Variants in TRMT44 observed in about 807,000 individuals in gnomAD.
TRMT44 encodes probable tRNA (uracil-O(2)-)-methyltransferase.
A neutral mutation model predicts 77.3 loss-of-function variants in TRMT44; 78 were observed. The observed-to-expected ratio is 1.01, with a 90% CI of 0.84 to 1.22. TRMT44 has a LOEUF of 1.22. TRMT44 is among the 50% of genes most tolerant of loss of function. TRMT44 has a pLI of 0.00. For synonymous variants in TRMT44, 391 were observed against 383.3 expected, an observed-to-expected ratio of 1.02 and a Z score of -0.23; for missense variants, 1,090 against 964.4, an observed-to-expected ratio of 1.13 and a Z score of -1.73.
At chr4:8,489,249 C>T (rs1191733616) in intron 2 of TRMT44, among the ~76,000 whole-genome samples, 1 of 152,216 alleles carries the variant, frequency 6.6e-6, no homozygotes, top group South Asian at 2.1e-4. Flanking sequence ...CCAGGCAAGG[C>T]TGGTGTCCTG....
Position 8,441,320 on chromosome 4 carries a change from C to T in TRMT44, c.498C>T (p.Ser166=), listed in dbSNP as rs1724674148. The T allele has an allele frequency of 7.2e-6, 11 of 1,535,544 alleles. No homozygotes were observed. Among genetic ancestry groups the T allele is most frequent in the South Asian group, 1.2e-5 (1 of 83,782 alleles). The change falls in exon 1 of 11, where the codon AGC becomes AGT. Residue 166 remains serine (S), a synonymous_variant. Transcript: ENST00000389737. ...CGGAGTTGCTGGCCTTCCTCACCAG[C>T]TCCGGGGCGGGATCGCAGCCAGAGG... The part of the protein sequence containing the change: ...GNSELLAFLT[S]SGAGSQPEAQ...
chr4:8,467,003 A>C (rs1455235886), intron 8 of TRMT44, among the ~76,000 whole-genome samples: 1 of 152,148 alleles, frequency 6.6e-6, no homozygotes, highest in African/African-American at 2.4e-5. Context: ...TGATGCCTGG[A>C]GAGGAAGCCC....
chr4:8,489,515 C>T (rs1378535057), intron 2 of TRMT44, among the ~76,000 whole-genome samples: 2 of 152,052 alleles, frequency 1.3e-5, no homozygotes, highest in East Asian at 1.9e-4. Context: ...TTCACTCTGT[C>T]ACCCAGGCTG....
the TRMT44 span, among the ~76,000 whole-genome samples, chr4:8,504,921 T>G: frequency 6.6e-6 from 1 of 152,002 alleles, no homozygotes; most frequent in Non-Finnish European, 1.5e-5. This position sits in a 1 kb window ranked among gnomAD's most constrained non-coding sequence, Gnocchi z 5.3. Context: ...ATCTACCACT[T>G]CCCCCAGCCT....
intron 9 of TRMT44, among the ~76,000 whole-genome samples, chr4:8,469,794 G>C (rs1726859813): frequency 1.3e-5 from 2 of 152,270 alleles, no homozygotes; most frequent in Admixed American, 1.3e-4. Flanking sequence ...CCCGCCCACA[G>C]GCGGCCTTCA....
At chr4:8,492,684 G>C (rs1728044013) in intron 2 of TRMT44, among the ~76,000 whole-genome samples, 1 of 152,324 alleles carries the variant, frequency 6.6e-6, no homozygotes, top group Admixed American at 6.5e-5. Context: ...GAAATTCCTT[G>C]TGGACAAATG....
At position 8,452,894 on chromosome 4, in the gene TRMT44, G is replaced by A; in HGVS notation, c.1036G>A (p.Glu346Lys). 5 of 1,528,648 alleles carry A rather than the reference G, an allele frequency of 3.3e-6. No homozygotes were observed. The highest frequency in any genetic ancestry group is 4.4e-6 in the Non-Finnish European group (5 of 1,142,852). The allele number at this position is 1,528,648 out of a possible 1,614,324, so 94.7% of individuals were successfully genotyped here. A position where few individuals can be genotyped will look rare whatever the true frequency, so the allele number is the denominator to read the frequency against. Residue 346 changes from glutamate to lysine, a missense_variant, in exon 5 of 11, where the codon GAA (glutamate) becomes AAA (lysine). By Grantham distance (56) the Glu-to-Lys change is moderately conservative. Coordinates refer to ENST00000389737, the MANE Select transcript of TRMT44 (RefSeq NM_152544.3). The surrounding 1 kb of genome is among the most constrained non-coding windows in gnomAD (Gnocchi z 5.7). ...IAAYLLILWE[E>K]ERAERRLTAR... is the part of the protein sequence containing the mutation. The stretch of plus-strand genomic sequence containing the variant: ...TCTCTTCACTTAGATTCTATGGGAA[G>A]AAGAAAGGGCTGAGAGGAGACTAAC...
At position 8,461,154 on chromosome 4, in the gene TRMT44, C is replaced by G. The variant is rs912178382; in HGVS notation, c.1204-2831C>G. On this transcript the variant is annotated intron_variant, in intron 6 of 10. Transcript: ENST00000389737. The surrounding 1 kb of genome is among the most constrained non-coding windows in gnomAD (Gnocchi z 4.6). ...TGAGCCGCTGCGCCGGGCCAGGGTGCTTACTCTTTGCTTGTACATTTACTC... is the reference window on the plus strand; with the variant it reads ...TGAGCCGCTGCGCCGGGCCAGGGTGGTTACTCTTTGCTTGTACATTTACTC... Among the ~76,000 whole-genome samples, 33 of 152,156 alleles carry G rather than the reference C, an allele frequency of 2.2e-4. No homozygotes were observed. Among genetic ancestry groups the G allele is most frequent in the African/African-American group, 7.0e-4 (29 of 41,428 alleles).
intron 2 of TRMT44, among the ~76,000 whole-genome samples, chr4:8,488,406 G>A (rs919000953): frequency 6.6e-6 from 1 of 152,184 alleles, no homozygotes; most frequent in Non-Finnish European, 1.5e-5. Context: ...ATTTGGTTAG[G>A]TAAAGGAAAA....
In TRMT44 at chr4:8,467,685, T is replaced by G. The variant is rs533581349; in HGVS notation, c.1495-229T>G. Among the ~76,000 whole-genome samples the G allele has an allele frequency of 2.8e-4, 43 of 152,352 alleles. 1 individual carries two copies. The highest frequency in any genetic ancestry group is 9.4e-4 in the African/African-American group (39 of 41,588). On this transcript the variant is annotated intron_variant, in intron 8 of 10. Transcript: ENST00000389737. ...TAGTAGAGACGGGATTTTGCCATGTTGGCCAGGCTGGTCTGAAACTCAAGT... is the reference window on the plus strand; with the variant it reads ...TAGTAGAGACGGGATTTTGCCATGTGGGCCAGGCTGGTCTGAAACTCAAGT...
In TRMT44 at chr4:8,468,242, T is replaced by C. The variant is rs371817333; in HGVS notation, c.1823T>C (p.Phe608Ser). ...AACTGTGCCGCCCTGCCACGAGATT[T>C]TATTGACCAAGTGGTTTTGCAAGTA... ...VRNCAALPRD[F>S]IDQVVLQVAN... is the part of the protein sequence containing the mutation. Residue 608 changes from phenylalanine (F) to serine (S), a missense_variant, in exon 9 of 11, where the codon TTT (phenylalanine) becomes TCT (serine). Coordinates refer to ENST00000389737, the MANE Select transcript of TRMT44 (RefSeq NM_152544.3). The C allele has an allele frequency of 2.5e-6, 4 of 1,614,236 alleles. No individual in the cohort carries two copies. In the Admixed American group the frequency reaches 6.7e-5, roughly 27 times the overall value.
At chr4:8,456,541 TAAAAAAA>T (rs79030141) in intron 6 of TRMT44, among the ~76,000 whole-genome samples, 1 of 126,164 alleles carries the variant, frequency 7.9e-6, no homozygotes, top group African/African-American at 2.9e-5. Context: ...GAACTGTTGT[TAAAAAAA>T]AAAAAAAAAG....
At chr4:8,486,938 GA>G (rs1727828809) in intron 2 of TRMT44, among the ~76,000 whole-genome samples, 1 of 152,164 alleles carries the variant, frequency 6.6e-6, no homozygotes, top group African/African-American at 2.4e-5. Context: ...TGGGTCTGTA[GA>G]AAAGGAAGAT....
Position 8,454,829 on chromosome 4 carries a change from C to G in TRMT44, c.1203+16C>G, listed in dbSNP as rs760423283. The G allele has an allele frequency of 6.2e-7, 1 of 1,613,042 alleles. No homozygotes were observed. The highest frequency in any genetic ancestry group is 1.3e-5 in the African/African-American group (1 of 74,894). ...TCAGTTAGAGGTACCGTCTTTATTA[C>G]GCATGCCCTTGATCTCAGCATGGCT... is the stretch of plus-strand genomic sequence containing the variant. On this transcript the variant is annotated intron_variant, in intron 6 of 10. Transcript: ENST00000389737.
chr4:8,470,504 A>G (rs115026135), intron 9 of TRMT44, among the ~76,000 whole-genome samples: 1 of 152,388 alleles, frequency 6.6e-6, no homozygotes, highest in African/African-American at 2.4e-5. Context: ...TAATGTCACC[A>G]GGTTTTCTGA....
intron 2 of TRMT44, among the ~76,000 whole-genome samples, chr4:8,485,272 C>T (rs60080531): frequency 0.13 from 20,114 of 151,986 alleles, 1,368 homozygotes; most frequent in Middle Eastern, 0.17. Flanking sequence ...AGATCAAGAA[C>T]GGAATAGTGA....
At chr4:8,511,163 G>A in the TRMT44 span, among the ~76,000 whole-genome samples, 9 of 152,242 alleles carry the variant, frequency 5.9e-5, no homozygotes, top group Non-Finnish European at 1.2e-4. Context: ...TATGCTTAGT[G>A]ATGTGGCAGA....
At chr4:8,508,502 C>T in the TRMT44 span, among the ~76,000 whole-genome samples, 109 of 152,294 alleles carry the variant, frequency 7.2e-4, no homozygotes, top group South Asian at 1.7e-3. Flanking sequence ...TGCTGGGCTG[C>T]GGAGTTGAAC....
intron 6 of TRMT44, among the ~76,000 whole-genome samples, chr4:8,456,676 A>C (rs554201642): frequency 7.2e-4 from 109 of 152,376 alleles, no homozygotes; most frequent in Admixed American, 3.9e-3. Context: ...CAAGAAAAGC[A>C]TACATACAGA....
Sources: allele counts gnomAD v4.1 joint callset (sites outside exome capture counted in the v4.1 genomes callset), GRCh38; gene constraint gnomAD v4.1.1; non-coding constraint Gnocchi (gnomAD v3.1); transcripts MANE v1.5; gene names NCBI Gene and HGNC (gene_info 2026-07-23, HGNC 2026-07-21).